Variants in WHRN observed in about 807,000 individuals in gnomAD.
The protein encoded by WHRN is whirlin, also known as CASK-interacting protein CIP98.
A neutral mutation model predicts 68.3 loss-of-function variants in WHRN; 41 were observed. That is an observed-to-expected ratio of 0.60 (90% CI 0.47 to 0.78). The LOEUF is 0.78. Among genes scored for constraint, WHRN ranks in the 30% least tolerant of loss-of-function variants. WHRN has a pLI of 0.00. For missense variants in WHRN, 1,243 were observed against 1,244.7 expected, an observed-to-expected ratio of 1.00 and a Z score of 0.02; for synonymous variants, 560 against 561.3, an observed-to-expected ratio of 1.00 and a Z score of 0.03.
At chr9:114,457,421 G>A (rs183424648) in intron 3 of WHRN, among the ~76,000 whole-genome samples, 4 of 152,216 alleles carry the variant, frequency 2.6e-5, no homozygotes, top group Admixed American at 2.0e-4. Flanking sequence ...GCATCCATGA[G>A]GCCATAATAG....
intron 3 of WHRN, among the ~76,000 whole-genome samples, chr9:114,438,662 A>G (rs2132554595): frequency 1.3e-5 from 2 of 152,182 alleles, no homozygotes; most frequent in South Asian, 4.1e-4. Flanking sequence ...CCTGTTAGCC[A>G]GGATGGTCGC....
rs2132406880 is a variant in WHRN, at chr9:114,426,297, C to G, written c.1080G>C (p.Gly360=). 6.2e-7 allele frequency: 1 copy of G among 1,613,614 alleles called. No individual in the cohort carries two copies. The highest frequency in any genetic ancestry group is 1.3e-5 in the African/African-American group (1 of 75,030). The change falls in exon 4 of 12, where the codon GGG becomes GGC. Residue 360 remains glycine, a synonymous_variant. Coordinates refer to ENST00000362057, the MANE Select transcript of WHRN (RefSeq NM_015404.4). ...RHLILTVKDV[G]RLPHARTTVD... ...CAGTGGTGCGGGCATGGGGCAGCCT[C>G]CCGACGTCCTTCACTGTCAGGATGA... is the stretch of plus-strand genomic sequence containing the variant.
chr9:114,463,378 C>T (rs10217748), intron 3 of WHRN, among the ~76,000 whole-genome samples: 7,302 of 152,276 alleles, frequency 0.048, 238 homozygotes, highest in Non-Finnish European at 0.068. Flanking sequence ...TCCACCTATT[C>T]AAAATCTTTA....
chr9:114,496,594 C>T lies in WHRN; in HGVS notation c.618+7590G>A, dbSNP rs148838875. On this transcript the variant is annotated intron_variant, in intron 1 of 11. Coordinates refer to ENST00000362057, the MANE Select transcript of WHRN (RefSeq NM_015404.4). The stretch of plus-strand genomic sequence containing the variant: ...ATAACAGAAGACTTTCAAAGACAAG[C>T]GAAGGCAGTCCATACCATTTTTCAT... Among the ~76,000 whole-genome samples, 374 of 152,268 alleles carry T rather than the reference C, an allele frequency of 2.5e-3. 1 individual carries two copies. The highest frequency in any genetic ancestry group is 7.8e-3 in the African/African-American group (323 of 41,540).
intron 2 of WHRN, among the ~76,000 whole-genome samples, chr9:114,477,515 C>A (rs1485943902): frequency 1.3e-5 from 2 of 152,100 alleles, no homozygotes; most frequent in African/African-American, 2.4e-5. Flanking sequence ...GTCCCTGCCC[C>A]CTTCTGCAAG....
Position 114,504,743 on chromosome 9 carries a change from G to A in WHRN, c.59C>T (p.Ser20Leu), listed in dbSNP as rs1844260238. The A allele has an allele frequency of 3.3e-6, 5 of 1,507,036 alleles. No individual in the cohort carries two copies. The highest frequency in any genetic ancestry group is 1.4e-5 in the African/African-American group (1 of 69,616). 93.4% of individuals were successfully genotyped at this position (1,507,036 alleles called of 1,614,324 possible). A position where few individuals can be genotyped will look rare whatever the true frequency, so the allele number is the denominator to read the frequency against. ...VSSSSTGSLGSAAGAGGGGGA... is the reference protein window; with the variant it reads ...VSSSSTGSLGLAAGAGGGGGA... ...CCCGCCGCCGCCCGCCCCGGCCGCC[G>A]AGCCCAGCGAGCCGGTGGAGGACGA... The change falls in exon 1 of 12, where the codon TCG (serine) becomes TTG (leucine). Residue 20 changes from serine to leucine, a missense_variant. Ser to Leu is a moderately radical substitution (Grantham distance 145). Transcript: ENST00000362057.
chr9:114,454,950 T>C (rs1351119358), intron 3 of WHRN, among the ~76,000 whole-genome samples: 1 of 152,178 alleles, frequency 6.6e-6, no homozygotes, highest in African/African-American at 2.4e-5. Flanking sequence ...CAAAGGCAAT[T>C]CACTGGAGAT....
chr9:114,503,262 G>A (rs1844090335), intron 1 of WHRN: 1 of 898,026 alleles, frequency 1.1e-6, no homozygotes, highest in Non-Finnish European at 1.3e-6. Context: ...CCCCTGAGAA[G>A]CATTTCTCTG....
Position 114,504,371 on chromosome 9 carries a change from C to T in WHRN, c.431G>A (p.Arg144Gln), listed in dbSNP as rs1311690230. 6.2e-7 allele frequency: 1 copy of T among 1,606,856 alleles called. No homozygotes were observed. The highest frequency in any genetic ancestry group is 1.3e-5 in the African/African-American group (1 of 74,950). Residue 144 changes from arginine (R) to glutamine (Q), a missense_variant, in exon 1 of 12, where the codon CGG becomes CAG. By Grantham distance (43) the Arg-to-Gln change is conservative. Transcript: ENST00000362057. ...GPGEVRLVSL[R>Q]RAKAHEGLGF... ...CAAGCCCTCGTGGGCCTTGGCACGC[C>T]GCAAACTCACCAGGCGCACCTCCCC...
In WHRN at chr9:114,487,826, T is replaced by C. The variant is rs917058565; in HGVS notation, c.619-9055A>G. On this transcript the variant is annotated intron_variant, in intron 1 of 11. Transcript: ENST00000362057. ...CAGAGGACCTGAATTCCCCTGACAA[T>C]GTGGACAGGGCTGGGTGGAGGCCTC... 3.3e-5 allele frequency among the ~76,000 whole-genome samples: 5 copies of C among 152,310 alleles called. No homozygotes were observed. In the East Asian group the frequency reaches 9.7e-4, roughly 29 times the overall value.
intron 3 of WHRN, among the ~76,000 whole-genome samples, chr9:114,465,597 T>C (rs4979405): frequency 0.76 from 115,586 of 151,964 alleles, 44,222 homozygotes; most frequent in East Asian, 0.99. Context: ...TCCAGCATCC[T>C]CGTGAGCAGT....
chr9:114,484,664 G>A (rs1398784279), intron 1 of WHRN, among the ~76,000 whole-genome samples: 1 of 152,190 alleles, frequency 6.6e-6, no homozygotes, highest in African/African-American at 2.4e-5. Flanking sequence ...TCAAATCATA[G>A]AGAAATCTCG....
At chr9:114,429,848 G>C (rs1025000892) in intron 3 of WHRN, among the ~76,000 whole-genome samples, 1 of 152,208 alleles carries the variant, frequency 6.6e-6, no homozygotes, top group African/African-American at 2.4e-5. Context: ...TGAGAGTGGA[G>C]GAGAAACTCA....
chr9:114,438,963 T>C (rs1265647150), intron 3 of WHRN, among the ~76,000 whole-genome samples: 1 of 152,166 alleles, frequency 6.6e-6, no homozygotes, highest in African/African-American at 2.4e-5. Flanking sequence ...CAAAGACCTC[T>C]GTGCACTGAC....
chr9:114,466,439 C>T, intron 2 of WHRN, 47 bp from the exon 3 acceptor site: 1 of 1,611,914 alleles, frequency 6.2e-7, no homozygotes. Context: ...GGAGCCATCC[C>T]TTCCGGGGAC....
At chr9:114,422,303 A>C (rs1278795596) in intron 7 of WHRN, among the ~76,000 whole-genome samples, 5 of 152,228 alleles carry the variant, frequency 3.3e-5, no homozygotes, top group African/African-American at 1.2e-4. Flanking sequence ...AACGGTGAGA[A>C]ACAAGGGCAT....
intron 1 of WHRN, among the ~76,000 whole-genome samples, chr9:114,502,570 TA>T (rs1844024637): frequency 6.6e-6 from 1 of 152,094 alleles, no homozygotes; most frequent in Non-Finnish European, 1.5e-5. Context: ...GCACTGCTGG[TA>T]AACTGAAACT....
Position 114,402,795 on chromosome 9 carries a change from A to G in WHRN, c.2683T>C (p.Tyr895His). Residue 895 changes from tyrosine to histidine, a missense_variant, in exon 12 of 12, where the codon TAC becomes CAC. Physicochemically the swap from Tyr to His is moderately conservative, Grantham distance 83 (BLOSUM62 2). Coordinates refer to ENST00000362057, the MANE Select transcript of WHRN (RefSeq NM_015404.4). ...AACTCAGTGACCAGAAAGTCAATGT[A>G]GTCACGGTCCTTAGTCTTGAAGGCC... ...AEAFKTKDRD[Y>H]IDFLVTEFNV... The G allele has an allele frequency of 6.2e-7, 1 of 1,614,076 alleles. No homozygotes were observed. The highest frequency in any genetic ancestry group is 8.5e-7 in the Non-Finnish European group (1 of 1,180,042).
At chr9:114,480,558 AC>A (rs1335654790) in intron 1 of WHRN, among the ~76,000 whole-genome samples, 1 of 152,124 alleles carries the variant, frequency 6.6e-6, no homozygotes, top group African/African-American at 2.4e-5. Flanking sequence ...GTGGGCCCTC[AC>A]CAGAACCCGA....
Sources: allele counts gnomAD v4.1 joint callset (sites outside exome capture counted in the v4.1 genomes callset), GRCh38; gene constraint gnomAD v4.1.1; transcripts MANE v1.5; gene names NCBI Gene and HGNC (gene_info 2026-07-23, HGNC 2026-07-21).